Variants in SMC5 observed in about 807,000 individuals in gnomAD.
SMC5 encodes the protein structural maintenance of chromosomes 5.
Under a neutral mutation model 148.3 loss-of-function variants are expected in SMC5, and 88 were observed. That is an observed-to-expected ratio of 0.59 (90% CI 0.50 to 0.71). The LOEUF (loss-of-function observed/expected upper bound fraction) is 0.71, where lower values mean the gene tolerates loss of function less well. SMC5 is among the 30% of genes least tolerant of loss of function. The pLI is 0.00. For missense variants in SMC5, 1,142 were observed against 1,298.9 expected (o/e 0.88, Z 1.86); for synonymous variants, 421 against 432.8 (o/e 0.97, Z 0.34).
At chr9:70,290,680 GT>G (rs2035033079) in intron 8 of SMC5, among the ~76,000 whole-genome samples, 1 of 152,038 alleles carries the variant, frequency 6.6e-6, no homozygotes, top group Non-Finnish European at 1.5e-5. Flanking sequence ...TGTAGGGGAG[GT>G]TTCTTTTAGT....
intron 15 of SMC5, among the ~76,000 whole-genome samples, chr9:70,319,488 T>C (rs1445545451): frequency 1.3e-5 from 2 of 152,166 alleles, no homozygotes; most frequent in African/African-American, 2.4e-5. Context: ...ATTCTGTATA[T>C]TGAGTTTGTA....
intron 2 of SMC5, among the ~76,000 whole-genome samples, chr9:70,265,571 T>C (rs974126259): frequency 2.6e-5 from 4 of 152,152 alleles, no homozygotes; most frequent in African/African-American, 9.7e-5. Flanking sequence ...AATTATAAAG[T>C]CTGTTAGAAT....
At chr9:70,265,103 C>G (rs986181211) in intron 2 of SMC5, among the ~76,000 whole-genome samples, 4 of 151,956 alleles carry the variant, frequency 2.6e-5, no homozygotes, top group South Asian at 2.1e-4. Flanking sequence ...AAATACTGCC[C>G]GAACAATCCA....
intron 15 of SMC5, among the ~76,000 whole-genome samples, chr9:70,320,963 G>A (rs533909653): frequency 4.3e-4 from 65 of 152,170 alleles, no homozygotes; most frequent in South Asian, 6.2e-4. Context: ...CTTTTACACC[G>A]TCAGTGCAAA....
In SMC5 at chr9:70,264,197, A is replaced by G. The variant is rs115286907; in HGVS notation, c.186-107A>G. ...ACCTATAAAAAAACATTAAATTTGT[A>G]AGGTTAGCTAGTTTTTAAAGGAATT... is the stretch of plus-strand genomic sequence containing the variant. On this transcript the variant is annotated intron_variant, in intron 1 of 24. Transcript: ENST00000361138. 3.7e-4 allele frequency: 338 copies of G among 925,068 alleles called. No individual in the cohort carries two copies. In the African/African-American group the frequency reaches 5.1e-3, roughly 14 times the overall value. The allele number at this position is 925,068 out of a possible 1,614,324, so 57.3% of individuals were successfully genotyped here. A position where few individuals can be genotyped will look rare whatever the true frequency, so the allele number is the denominator to read the frequency against.
At chr9:70,279,792 G>A (rs1401049544) in intron 5 of SMC5, among the ~76,000 whole-genome samples, 3 of 149,584 alleles carry the variant, frequency 2.0e-5, no homozygotes, top group Non-Finnish European at 4.4e-5. Context: ...ACTCCAGCCT[G>A]GGCAACAAGA....
At position 70,289,026 on chromosome 9, in the gene SMC5, A is replaced by G. The variant is rs1439201846; in HGVS notation, c.1053+2755A>G. ...ACTTTTTTGTTAACCTACTTGATTT[A>G]GTTTTTGTTGTTGTTGTTGTTGTTG... On this transcript the variant is annotated intron_variant, in intron 8 of 24. Coordinates refer to ENST00000361138, the MANE Select transcript of SMC5 (RefSeq NM_015110.4). Among the ~76,000 whole-genome samples, 3 of 151,920 alleles carry G rather than the reference A, an allele frequency of 2.0e-5. No individual in the cohort carries two copies. In the East Asian group the frequency reaches 5.8e-4, roughly 29 times the overall value.
intron 17 of SMC5, among the ~76,000 whole-genome samples, chr9:70,331,746 AGCTTCC>A (rs2036223837): frequency 3.3e-5 from 5 of 152,222 alleles, no homozygotes; most frequent in African/African-American, 1.2e-4. Flanking sequence ...TAAAAAGTAA[AGCTTCC>A]ATTCTTCGCG....
intron 17 of SMC5, among the ~76,000 whole-genome samples, chr9:70,331,125 T>C (rs2036207457): frequency 6.6e-6 from 1 of 152,220 alleles, no homozygotes; most frequent in African/African-American, 2.4e-5. Context: ...ATACCCAAGC[T>C]GTTCCATTTT....
At chr9:70,304,441 C>T (rs1373488542) in intron 10 of SMC5, among the ~76,000 whole-genome samples, 2 of 152,130 alleles carry the variant, frequency 1.3e-5, no homozygotes, top group East Asian at 1.9e-4. Context: ...AATCCTAGCA[C>T]TTTGGGAGGC....
rs1470828224 is a variant in SMC5 at position 70,353,613 on chromosome 9, A to G, written c.*1282A>G. On this transcript the variant is annotated 3_prime_UTR_variant, in exon 25 of 25. Transcript: ENST00000361138. ...TGTATATTCTTAAGTAGCCATTGAA[A>G]TTTATATTCTTAACTAGGTCAAAAA... The G allele has an allele frequency of 6.6e-6, 1 of 152,182 alleles. No homozygotes were observed. Among genetic ancestry groups the G allele is most frequent in the East Asian group, 1.9e-4 (1 of 5,200 alleles). 9.4% of individuals were successfully genotyped at this position (152,182 alleles called of 1,614,324 possible). A position where few individuals can be genotyped will look rare whatever the true frequency, so the allele number is the denominator to read the frequency against.
chr9:70,271,477 A>G (rs2034448227), intron 3 of SMC5, among the ~76,000 whole-genome samples: 1 of 152,234 alleles, frequency 6.6e-6, no homozygotes, highest in Non-Finnish European at 1.5e-5. Flanking sequence ...AATGGTGGGT[A>G]GAATAATCTC....
At position 70,259,205 on chromosome 9, in the gene SMC5, C is replaced by G; in HGVS notation, c.127C>G (p.Gln43Glu). 6.2e-7 allele frequency: 1 copy of G among 1,607,968 alleles called. No individual in the cohort carries two copies. The highest frequency in any genetic ancestry group is 8.5e-7 in the Non-Finnish European group (1 of 1,177,008). The change falls in exon 1 of 25, where the codon CAG becomes GAG. Residue 43 changes from glutamine to glutamate, a missense_variant. By Grantham distance (29) the Gln-to-Glu change is conservative. Coordinates refer to ENST00000361138, the MANE Select transcript of SMC5 (RefSeq NM_015110.4). The stretch of plus-strand genomic sequence containing the variant: ...TTCGGCCCCGCAGCTGCCGCTGTTG[C>G]AGTCGTCCGGGCCTTTCGTGGAAGG... ...KNSAPQLPLL[Q>E]SSGPFVEGSI...
In SMC5 at chr9:70,259,043, G is replaced by T; in HGVS notation, c.-36G>T. On this transcript the variant is annotated 5_prime_UTR_variant, in exon 1 of 25. Coordinates refer to ENST00000361138, the MANE Select transcript of SMC5 (RefSeq NM_015110.4). The stretch of plus-strand genomic sequence containing the variant: ...GGGCGCCTGGGCTGCCGGACGGTGG[G>T]AACGGAAGTCGCTGTGGGACGCTGA... The T allele has an allele frequency of 6.4e-7, 1 of 1,570,370 alleles. No individual in the cohort carries two copies. Among genetic ancestry groups the T allele is most frequent in the Non-Finnish European group, 8.6e-7 (1 of 1,156,664 alleles).
intron 18 of SMC5, among the ~76,000 whole-genome samples, chr9:70,345,772 T>A (rs1033552128): frequency 1.3e-5 from 2 of 152,060 alleles, no homozygotes; most frequent in Non-Finnish European, 2.9e-5. Context: ...CATTACTACT[T>A]TTATGAACGA....
intron 8 of SMC5, among the ~76,000 whole-genome samples, chr9:70,291,803 T>C (rs2035066819): frequency 6.6e-6 from 1 of 152,096 alleles, no homozygotes; most frequent in African/African-American, 2.4e-5. Context: ...ATGGCATTTC[T>C]CTGAGAATGA....
chr9:70,309,349 T>TGG (rs1554695225), intron 11 of SMC5, among the ~76,000 whole-genome samples: 1 of 112,682 alleles, frequency 8.9e-6, no homozygotes, highest in African/African-American at 3.9e-5. Context: ...TTTTTTTTTT[T>TGG]GGGGACAGGG....
chr9:70,350,192 C>A lies in SMC5; in HGVS notation c.2968C>A (p.His990Asn), dbSNP rs751830146. ...STQLHELTPH[H>N]QSGGERSVST... Reference sequence around the variant, plus strand: ...TCAACTGCATGAATTAACTCCTCATCATCAAAGTGGAGGTGAAAGAAGTGT... The same window carrying A: ...TCAACTGCATGAATTAACTCCTCATAATCAAAGTGGAGGTGAAAGAAGTGT... Residue 990 changes from histidine to asparagine, a missense_variant, in exon 23 of 25, where the codon CAT (histidine) becomes AAT (asparagine). His to Asn is a moderately conservative substitution (Grantham distance 68). Transcript: ENST00000361138. The A allele has an allele frequency of 6.2e-7, 1 of 1,613,464 alleles. No individual in the cohort carries two copies. The highest frequency in any genetic ancestry group is 1.1e-5 in the South Asian group (1 of 91,040).
chr9:70,345,804 A>T (rs779529005), intron 18 of SMC5, among the ~76,000 whole-genome samples: 6 of 152,120 alleles, frequency 3.9e-5, no homozygotes, highest in Non-Finnish European at 5.9e-5. Context: ...TTTCTTCTAG[A>T]TGGAGGATAA....
Sources: allele counts gnomAD v4.1 joint callset (sites outside exome capture counted in the v4.1 genomes callset), GRCh38; gene constraint gnomAD v4.1.1; transcripts MANE v1.5; gene names NCBI Gene and HGNC (gene_info 2026-07-23, HGNC 2026-07-21).